PTPRD: variants seen among roughly 807,000 people sequenced by gnomAD.
PTPRD encodes the protein receptor-type tyrosine-protein phosphatase delta.
In PTPRD, 34 loss-of-function variants were observed where a neutral mutation model predicts 214.5. The ratio of observed to expected loss-of-function variants is 0.16; its 90% CI spans 0.12 to 0.21. PTPRD has a LOEUF of 0.21. Ranked by LOEUF, PTPRD falls within the 10% of genes least tolerant of loss-of-function variation. The probability of loss-of-function intolerance (pLI) is 1.00; values close to 1 mark genes in which losing one functional copy is unlikely to be tolerated. For missense variants in PTPRD, 2,545 were observed against 2,398.7 expected (o/e 1.06, Z -1.27); for synonymous variants, 1,128 against 845.7 (o/e 1.33, Z -5.79).
chr9:9,837,060 G>T (rs112479255), intron 5 of PTPRD, among the ~76,000 whole-genome samples: 73 of 146,898 alleles, frequency 5.0e-4, no homozygotes, highest in Non-Finnish European at 9.4e-4. Flanking sequence ...GTCTATAGTA[G>T]CTCTACATAC....
chr9:8,855,016 G>A (rs547547553), intron 11 of PTPRD, among the ~76,000 whole-genome samples: 1 of 152,160 alleles, frequency 6.6e-6, no homozygotes, highest in South Asian at 2.1e-4. Flanking sequence ...TGCCAGAGAA[G>A]CCCTAAATAA....
intron 11 of PTPRD, among the ~76,000 whole-genome samples, chr9:8,763,791 T>C (rs1197382398): frequency 6.6e-6 from 1 of 151,918 alleles, no homozygotes; most frequent in Non-Finnish European, 1.5e-5. Context: ...AATAAAAATG[T>C]CCCACATCAA....
Position 9,742,465 on chromosome 9 carries a change from T to C in PTPRD, c.-325-7894A>G, listed in dbSNP as rs187549747. Among the ~76,000 whole-genome samples the C allele has an allele frequency of 1.0e-3, 156 of 152,296 alleles. 1 individual carries two copies. The highest frequency in any genetic ancestry group is 3.5e-3 in the African/African-American group (146 of 41,580). On this transcript the variant is annotated intron_variant, in intron 6 of 45. Transcript: ENST00000381196. ...GTAATTTATAGAAATATAATTGTAA[T>C]TGAATGTATGATTTTCTTTTTTGTA...
intron 12 of PTPRD, among the ~76,000 whole-genome samples, chr9:8,729,826 T>C (rs1379737582): frequency 1.3e-5 from 2 of 152,170 alleles, no homozygotes; most frequent in Non-Finnish European, 2.9e-5. Flanking sequence ...ATACTTAAGA[T>C]AGCAAATGAT....
intron 34 of PTPRD, among the ~76,000 whole-genome samples, chr9:8,448,207 A>C (rs1440108586): frequency 1.3e-5 from 2 of 152,054 alleles, no homozygotes; most frequent in African/African-American, 2.4e-5. Context: ...GTGCCCCAGT[A>C]GTCCCAGCTA....
intron 5 of PTPRD, among the ~76,000 whole-genome samples, chr9:9,829,333 A>C (rs1363184320): frequency 6.6e-6 from 1 of 151,822 alleles, no homozygotes; most frequent in Non-Finnish European, 1.5e-5. Context: ...TCTGTGATAA[A>C]TATATCAAAT....
At chr9:9,266,333 A>G (rs554437369) in intron 9 of PTPRD, among the ~76,000 whole-genome samples, 1 of 151,364 alleles carries the variant, frequency 6.6e-6, no homozygotes, top group African/African-American at 2.4e-5. Flanking sequence ...CCCCATTTTG[A>G]GCAATAAATA....
At chr9:10,372,234 C>T (rs1352414283) in intron 2 of PTPRD, among the ~76,000 whole-genome samples, 2 of 151,966 alleles carry the variant, frequency 1.3e-5, no homozygotes, top group African/African-American at 4.8e-5. Context: ...TTTAGATTTC[C>T]ACGTATACTT....
At chr9:9,681,931 T>C (rs2097081872) in intron 7 of PTPRD, among the ~76,000 whole-genome samples, 1 of 151,864 alleles carries the variant, frequency 6.6e-6, no homozygotes, top group South Asian at 2.1e-4. Context: ...GAAGATGTTA[T>C]ATTTATGTCT....
chr9:8,477,530 G>A (rs73426331), intron 30 of PTPRD, among the ~76,000 whole-genome samples: 3,394 of 152,208 alleles, frequency 0.022, 94 homozygotes, highest in African/African-American at 0.073. Flanking sequence ...GTGTTAGTGT[G>A]TATTAGCATT....
At chr9:8,352,589 C>T (rs554563296) in intron 39 of PTPRD, among the ~76,000 whole-genome samples, 15 of 152,190 alleles carry the variant, frequency 9.9e-5, no homozygotes, top group South Asian at 2.1e-4. Flanking sequence ...CTACGTACAA[C>T]GTGTGCAACC....
At chr9:8,974,966 G>T (rs556921507) in intron 11 of PTPRD, among the ~76,000 whole-genome samples, 1 of 151,448 alleles carries the variant, frequency 6.6e-6, no homozygotes, top group African/African-American at 2.4e-5. Context: ...GTGTGGTGGC[G>T]GGTGCCTATA....
intron 12 of PTPRD, among the ~76,000 whole-genome samples, chr9:8,654,353 C>T (rs1296389426): frequency 3.9e-5 from 6 of 152,116 alleles, no homozygotes; most frequent in Non-Finnish European, 8.8e-5. Flanking sequence ...AGACTGTGAG[C>T]CAACAAAAGG....
chr9:9,317,910 G>A (rs1021094323), intron 9 of PTPRD, among the ~76,000 whole-genome samples: 9 of 152,100 alleles, frequency 5.9e-5, no homozygotes, highest in South Asian at 2.1e-4. Context: ...GGTGGCTCAC[G>A]CCTGTAATCC....
intron 4 of PTPRD, among the ~76,000 whole-genome samples, chr9:10,004,638 C>CCG (rs2096427366): frequency 6.6e-6 from 1 of 151,710 alleles, no homozygotes; most frequent in Non-Finnish European, 1.5e-5. Flanking sequence ...CACACACACA[C>CCG]CGCACACACA....
intron 10 of PTPRD, among the ~76,000 whole-genome samples, chr9:9,152,516 T>A (rs1228528190): frequency 6.6e-6 from 1 of 152,124 alleles, no homozygotes; most frequent in Admixed American, 6.5e-5. Context: ...TATACAAGAT[T>A]AATGGTAAAG....
In PTPRD at chr9:8,543,033, T is replaced by A. The variant is rs2078892866; in HGVS notation, c.353-14254A>T. ...CTCCTGAATAAGAGGAAGAATAATT[T>A]GAGTTGTGTTCCTATGAAGACATGA... On this transcript the variant is annotated intron_variant, in intron 14 of 45. Transcript: ENST00000381196. Among the ~76,000 whole-genome samples, 3 of 152,216 alleles carry A rather than the reference T, an allele frequency of 2.0e-5. No individual in the cohort carries two copies. The South Asian group carries it at 6.2e-4, about 32-fold the overall frequency.
At chr9:10,388,857 T>C (rs1017943130) in intron 2 of PTPRD, among the ~76,000 whole-genome samples, 3 of 151,882 alleles carry the variant, frequency 2.0e-5, no homozygotes, top group Admixed American at 2.0e-4. Context: ...GACTAGAATT[T>C]AGTAAGCATT....
At chr9:9,825,559 C>T (rs2052521760) in intron 5 of PTPRD, among the ~76,000 whole-genome samples, 1 of 151,890 alleles carries the variant, frequency 6.6e-6, no homozygotes, top group African/African-American at 2.4e-5. Context: ...TGACTTTTAA[C>T]CATTACTTAG....
Sources: allele counts gnomAD v4.1 joint callset (sites outside exome capture counted in the v4.1 genomes callset), GRCh38; gene constraint gnomAD v4.1.1; transcripts MANE v1.5; gene names NCBI Gene and HGNC (gene_info 2026-07-23, HGNC 2026-07-21).